The following ELP4 variants were observed in gnomAD, a reference collection of about 807,000 sequenced individuals.
ELP4 encodes elongator acetyltransferase complex subunit 4, also known as elongator complex protein 4.
A neutral mutation model predicts 48.9 loss-of-function variants in ELP4; 51 were observed. That is an observed-to-expected ratio of 1.04 (90% confidence interval 0.83 to 1.32). The LOEUF (loss-of-function observed/expected upper bound fraction) is 1.32, where lower values mean the gene tolerates loss of function less well. ELP4 is among the 40% of genes most tolerant of loss of function. ELP4 has a pLI of 0.00. For synonymous variants in ELP4, 210 were observed against 189.2 expected, an observed-to-expected ratio of 1.11 and a Z score of -0.90; for missense variants, 519 against 514.6, an observed-to-expected ratio of 1.01 and a Z score of -0.08.
At chr11:31,763,682 T>C (rs1947992302) in intron 9 of ELP4, 1 of 968,334 alleles carries the variant, frequency 1.0e-6, no homozygotes, top group African/African-American at 1.7e-5. Context: ...TACCAAAGAT[T>C]AAACTTTACA....
At chr11:31,546,189 C>A (rs1429085601) in intron 3 of ELP4, among the ~76,000 whole-genome samples, 4 of 151,938 alleles carry the variant, frequency 2.6e-5, no homozygotes, top group South Asian at 2.1e-4. Context: ...CACAGACTGG[C>A]AAATTGGATA....
chr11:31,572,661 T>C (rs1160646976), intron 3 of ELP4, among the ~76,000 whole-genome samples: 1 of 152,206 alleles, frequency 6.6e-6, no homozygotes, highest in Non-Finnish European at 1.5e-5. Context: ...ATTCTTTTTA[T>C]TGAAGTCCCT....
At chr11:31,567,124 G>A (rs1227187422) in intron 3 of ELP4, among the ~76,000 whole-genome samples, 1 of 151,638 alleles carries the variant, frequency 6.6e-6, no homozygotes, top group Non-Finnish European at 1.5e-5. Context: ...GTAGAGATGG[G>A]GTTTCTCCAT....
intron 3 of ELP4, among the ~76,000 whole-genome samples, chr11:31,555,481 A>AT (rs1384845084): frequency 6.6e-6 from 1 of 151,796 alleles, no homozygotes; most frequent in Non-Finnish European, 1.5e-5. Flanking sequence ...AAACTATTTG[A>AT]TTTTTTGGTA....
At chr11:31,737,947 A>G (rs935879384) in intron 9 of ELP4, among the ~76,000 whole-genome samples, 1 of 152,168 alleles carries the variant, frequency 6.6e-6, no homozygotes, top group Admixed American at 6.5e-5. Flanking sequence ...CTATTTATGC[A>G]AAAGAATTGA....
At chr11:31,566,958 GTTT>G (rs1957121502) in intron 3 of ELP4, among the ~76,000 whole-genome samples, 1 of 151,984 alleles carries the variant, frequency 6.6e-6, no homozygotes, top group Non-Finnish European at 1.5e-5. Context: ...ATATCCATGT[GTTT>G]CACAATTTAC....
rs901799265 is a variant in ELP4 at position 31,622,303 on chromosome 11, T to C, written c.654-4807T>C. On this transcript the variant is annotated intron_variant, in intron 5 of 9. Transcript: ENST00000640961. ...GGTTTTTTGTTGGTGGTGGCAGTGT[T>C]GTATATTGTTCTTTACTCATATTTA... Among the ~76,000 whole-genome samples, 6 of 151,802 alleles carry C rather than the reference T, an allele frequency of 4.0e-5. No homozygotes were observed. In the South Asian group the frequency reaches 1.0e-3, roughly 26 times the overall value.
chr11:31,601,696 T>A (rs1349153357), intron 4 of ELP4, among the ~76,000 whole-genome samples: 13 of 152,102 alleles, frequency 8.5e-5, no homozygotes, highest in Admixed American at 8.5e-4. Flanking sequence ...ACTAATAAAT[T>A]TATTAACTCA....
intron 3 of ELP4, among the ~76,000 whole-genome samples, chr11:31,545,058 C>A (rs1001393271): frequency 4.0e-5 from 6 of 151,712 alleles, no homozygotes; most frequent in African/African-American, 1.5e-4. Flanking sequence ...GGGAAAAAAA[C>A]AGAGGAGAAA....
chr11:31,589,387 G>C (rs936417902), intron 3 of ELP4, among the ~76,000 whole-genome samples: 3 of 152,054 alleles, frequency 2.0e-5, no homozygotes, highest in Non-Finnish European at 4.4e-5. Flanking sequence ...CAAAATGTTT[G>C]GCACAGATGA....
chr11:31,751,050 A>G (rs1184039123), intron 9 of ELP4, among the ~76,000 whole-genome samples: 1 of 152,238 alleles, frequency 6.6e-6, no homozygotes, highest in African/African-American at 2.4e-5. Flanking sequence ...AGAACCTAGG[A>G]TATCACCAAG....
At chr11:31,772,557 T>G (rs987861510) in intron 9 of ELP4, among the ~76,000 whole-genome samples, 2 of 152,196 alleles carry the variant, frequency 1.3e-5, no homozygotes, top group Non-Finnish European at 2.9e-5. Context: ...GTTCACACTG[T>G]TTTGTCTCTA....
At chr11:31,515,858 C>G (rs1956102130) in intron 1 of ELP4, among the ~76,000 whole-genome samples, 1 of 152,210 alleles carries the variant, frequency 6.6e-6, no homozygotes, top group African/African-American at 2.4e-5. Context: ...CGCCTGTAAT[C>G]CCAGCACATT....
At position 31,555,753 on chromosome 11, in the gene ELP4, A is replaced by G. The variant is rs902185021; in HGVS notation, c.381+15970A>G. ...ATATTTTTGTAATGTAAAAAATGAT[A>G]TTGAATACCAATACAGATAAGTAGG... On this transcript the variant is annotated intron_variant, in intron 3 of 9. Transcript: ENST00000640961. Among the ~76,000 whole-genome samples the G allele has an allele frequency of 2.2e-4, 33 of 152,096 alleles. No homozygotes were observed. The East Asian group carries it at 2.5e-3, about 12-fold the overall frequency.
At chr11:31,605,804 C>T (rs1331011220) in intron 5 of ELP4, among the ~76,000 whole-genome samples, 1 of 152,138 alleles carries the variant, frequency 6.6e-6, no homozygotes, top group Non-Finnish European at 1.5e-5. Context: ...ATTTTGCCAA[C>T]AACCCTCCAA....
At chr11:31,681,721 C>T (rs1237371469) in intron 9 of ELP4, 3 of 162,288 alleles carry the variant, frequency 1.8e-5, no homozygotes, top group Admixed American at 6.4e-5. Context: ...CTTGAACAAA[C>T]AGGGCTTTAT....
intron 9 of ELP4, among the ~76,000 whole-genome samples, chr11:31,699,380 A>G (rs1946474425): frequency 6.6e-6 from 1 of 152,202 alleles, no homozygotes; most frequent in Non-Finnish European, 1.5e-5. Context: ...AAATTTGAGC[A>G]TCGAAATTAA....
chr11:31,547,540 C>T (rs1229575592), intron 3 of ELP4, among the ~76,000 whole-genome samples: 5 of 152,060 alleles, frequency 3.3e-5, no homozygotes, highest in East Asian at 1.9e-4. Flanking sequence ...GATTCACAGC[C>T]GAATTCTACC....
chr11:31,536,407 A>G (rs1956501958), intron 2 of ELP4, among the ~76,000 whole-genome samples: 1 of 152,144 alleles, frequency 6.6e-6, no homozygotes, highest in African/African-American at 2.4e-5. Context: ...GCTGGAGTGC[A>G]GTGGCGTAAT....
Sources: allele counts gnomAD v4.1 joint callset (sites outside exome capture counted in the v4.1 genomes callset), GRCh38; gene constraint gnomAD v4.1.1; transcripts MANE v1.5; gene names NCBI Gene and HGNC (gene_info 2026-07-23, HGNC 2026-07-21).